TIMP2: variants seen among roughly 807,000 people sequenced by gnomAD.
The protein encoded by TIMP2 is TIMP metallopeptidase inhibitor 2.
In TIMP2, 5 loss-of-function variants were observed where a neutral mutation model predicts 24.3. The observed-to-expected ratio is 0.21, with a 90% CI of 0.11 to 0.43. TIMP2 has a LOEUF of 0.43. TIMP2 is among the 20% of genes least tolerant of loss of function. The pLI, the probability that TIMP2 is intolerant of heterozygous loss-of-function variation, is 1.00. For synonymous variants in TIMP2, 130 were observed against 123.2 expected (o/e 1.06, Z -0.37); for missense variants, 221 against 297.5 (o/e 0.74, Z 1.89).
intron 3 of TIMP2, among the ~76,000 whole-genome samples, chr17:78,863,800 G>A (rs1279372957): frequency 1.3e-5 from 2 of 152,138 alleles, no homozygotes; most frequent in Non-Finnish European, 2.9e-5. Flanking sequence ...ACCCTTGAGT[G>A]GGGCCTGACC....
At chr17:78,906,206 T>C (rs2070157170) in intron 1 of TIMP2, among the ~76,000 whole-genome samples, 1 of 151,946 alleles carries the variant, frequency 6.6e-6, no homozygotes, top group Non-Finnish European at 1.5e-5. Flanking sequence ...CCTACCTCTA[T>C]AAAAAACTAA....
rs139284705 is a variant in TIMP2, at chr17:78,888,342, T to G, written c.131-14423A>C. 2.0e-3 allele frequency among the ~76,000 whole-genome samples: 307 copies of G among 152,188 alleles called. 6 individuals are homozygous for G. The East Asian group carries it at 0.05, about 25-fold the overall frequency. On this transcript the variant is annotated intron_variant, in intron 1 of 4. Transcript: ENST00000262768. Reference sequence around the variant, plus strand: ...CCCGGCTAATTTTTTGTATTTTTAGTAGAGACAGCGTTTCACAGTGTTGAC... The same window carrying G: ...CCCGGCTAATTTTTTGTATTTTTAGGAGAGACAGCGTTTCACAGTGTTGAC...
chr17:78,923,120 G>A (rs2070320217), intron 1 of TIMP2, among the ~76,000 whole-genome samples: 1 of 152,132 alleles, frequency 6.6e-6, no homozygotes, highest in Non-Finnish European at 1.5e-5. Context: ...CTGGGCCTCT[G>A]AGCCGGGATG....
chr17:78,920,507 C>G lies in TIMP2; in HGVS notation c.130+4452G>C, dbSNP rs978130743. Among the ~76,000 whole-genome samples, 1 of 152,170 alleles carries G rather than the reference C, an allele frequency of 6.6e-6. No homozygotes were observed. The highest frequency in any genetic ancestry group is 1.5e-5 in the Non-Finnish European group (1 of 68,034). The stretch of plus-strand genomic sequence containing the variant: ...GCACAGCTCTCCCTGCTCTTCCAGT[C>G]CCCCTGCCTTGGGAGCTGCCAGTAA... On this transcript the variant is annotated intron_variant, in intron 1 of 4. Transcript: ENST00000262768. This position sits in a 1 kb window ranked among gnomAD's most constrained non-coding sequence, Gnocchi z 4.5.
intron 1 of TIMP2, among the ~76,000 whole-genome samples, chr17:78,919,934 T>G (rs1464089708): frequency 6.6e-6 from 1 of 151,602 alleles, no homozygotes; most frequent in Non-Finnish European, 1.5e-5. Flanking sequence ...ACAGAGAGAG[T>G]GTCCAGGGCA....
chr17:78,878,901 A>T (rs1277805763), intron 1 of TIMP2, among the ~76,000 whole-genome samples: 1 of 152,174 alleles, frequency 6.6e-6, no homozygotes, highest in Non-Finnish European at 1.5e-5. Context: ...GAGAAATTAC[A>T]TGAAAGAAGG....
In TIMP2 at chr17:78,879,558, G is replaced by A. The variant is rs556730424; in HGVS notation, c.131-5639C>T. Among the ~76,000 whole-genome samples, 8 of 152,272 alleles carry A rather than the reference G, an allele frequency of 5.3e-5. No homozygotes were observed. In the South Asian group the frequency reaches 1.7e-3, roughly 32 times the overall value. On this transcript the variant is annotated intron_variant, in intron 1 of 4. Transcript: ENST00000262768. ...CCATGCCCCCGAGAGGGGCTGCTCTGCTCCTCTGCCCCTTCCCCAAGGAGC... is the reference window on the plus strand; with the variant it reads ...CCATGCCCCCGAGAGGGGCTGCTCTACTCCTCTGCCCCTTCCCCAAGGAGC...
intron 1 of TIMP2, among the ~76,000 whole-genome samples, chr17:78,883,110 G>A (rs949569346): frequency 6.6e-5 from 10 of 152,242 alleles, no homozygotes; most frequent in Non-Finnish European, 1.0e-4. Context: ...CTGCTGTGGA[G>A]GCCAGACCCA....
At chr17:78,905,339 C>T (rs529475008) in intron 1 of TIMP2, among the ~76,000 whole-genome samples, 10 of 152,334 alleles carry the variant, frequency 6.6e-5, no homozygotes, top group Admixed American at 6.5e-4. Context: ...ACCTCCCAGC[C>T]TTCATACTTG....
rs757973051 is a variant in TIMP2 at position 78,877,695 on chromosome 17, TTTTC to T, written c.131-3780_131-3777del. On this transcript the variant is annotated intron_variant, in intron 1 of 4. Transcript: ENST00000262768. ...TTGGAAATTTCTGGAGCTGCTTTTC[TTTTC>T]TTTCTTTCTTTTTTTTTTTTTTGAG... Among the ~76,000 whole-genome samples the T allele has an allele frequency of 2.4e-4, 37 of 151,774 alleles. No individual in the cohort carries two copies. The East Asian group carries it at 2.5e-3, about 10-fold the overall frequency.
chr17:78,870,013 G>A (rs1567993437), intron 3 of TIMP2, among the ~76,000 whole-genome samples: 2 of 152,200 alleles, frequency 1.3e-5, no homozygotes, highest in Non-Finnish European at 2.9e-5. Context: ...AGAGAGAAGG[G>A]GGAGTTAGTG....
At chr17:78,923,474 C>T (rs552744717) in intron 1 of TIMP2, among the ~76,000 whole-genome samples, 2 of 151,908 alleles carry the variant, frequency 1.3e-5, no homozygotes, top group African/African-American at 2.4e-5. Context: ...TTATCCACAG[C>T]CTCCTTCTGG....
rs1294985278 is a variant in TIMP2, at chr17:78,857,764, A to G, written c.341-118T>C. ...GTTGCAACAATCCTGTGCACTGTCT[A>G]TTCTGAGTTAAAACACAGTGGGTGG... On this transcript the variant is annotated intron_variant, in intron 3 of 4. Transcript: ENST00000262768. 2.2e-6 allele frequency: 3 copies of G among 1,383,230 alleles called. No homozygotes were observed. The East Asian group carries it at 7.3e-5, about 33-fold the overall frequency. 85.7% of individuals were successfully genotyped at this position (1,383,230 alleles called of 1,614,324 possible). A position where few individuals can be genotyped will look rare whatever the true frequency, so the allele number is the denominator to read the frequency against.
At chr17:78,901,985 T>C (rs1301817823) in intron 1 of TIMP2, 2 of 590,246 alleles carry the variant, frequency 3.4e-6, no homozygotes, top group East Asian at 2.9e-5. Flanking sequence ...TTTAACTCCG[T>C]TTCTCTGAGT....
At chr17:78,879,950 G>A (rs893316932) in intron 1 of TIMP2, among the ~76,000 whole-genome samples, 7 of 151,956 alleles carry the variant, frequency 4.6e-5, no homozygotes, top group African/African-American at 1.7e-4. Context: ...AACCAAGGTC[G>A]CGGGAGACGA....
At chr17:78,890,035 C>T (rs2069864935) in intron 1 of TIMP2, among the ~76,000 whole-genome samples, 1 of 152,092 alleles carries the variant, frequency 6.6e-6, no homozygotes, top group South Asian at 2.1e-4. Flanking sequence ...AGGAGAATTG[C>T]TTAAGCCCAG....
chr17:78,894,030 T>C (rs141707645), intron 1 of TIMP2, among the ~76,000 whole-genome samples: 5 of 152,290 alleles, frequency 3.3e-5, no homozygotes, highest in Non-Finnish European at 4.4e-5. Context: ...GGCTAAGCCT[T>C]TGGAGTCAAA....
In TIMP2 at chr17:78,891,646, A is replaced by G; in HGVS notation, c.131-17727T>C. 6.4e-7 allele frequency: 1 copy of G among 1,550,948 alleles called. No homozygotes were observed. The highest frequency in any genetic ancestry group is 8.7e-7 in the Non-Finnish European group (1 of 1,147,082). On this transcript the variant is annotated intron_variant, in intron 1 of 4. Coordinates refer to ENST00000262768, the MANE Select transcript of TIMP2 (RefSeq NM_003255.5). This position sits in a 1 kb window ranked among gnomAD's most constrained non-coding sequence, Gnocchi z 4.5. ...GACTGGTCAGGGCTGGAACAAAGCA[A>G]ACTGCCCCCTTTCCCAGTTGCCTCC... is the stretch of plus-strand genomic sequence containing the variant.
intron 4 of TIMP2, chr17:78,856,068 C>T (rs1449537598): frequency 1.7e-6 from 1 of 596,180 alleles, no homozygotes; most frequent in African/African-American, 1.9e-5. Context: ...TGTGCCCTGC[C>T]CACCGCTGCC....
Sources: gnomAD v4.1 joint callset for allele counts (sites outside exome capture counted in the v4.1 genomes callset) on GRCh38, gnomAD v4.1.1 for gene constraint, Gnocchi (gnomAD v3.1) non-coding constraint, MANE v1.5 for transcripts, NCBI Gene and HGNC (gene_info 2026-07-23, HGNC 2026-07-21) for gene names.